BCL7C: variants seen among roughly 807,000 people sequenced by gnomAD.
BCL7C encodes B-cell CLL/lymphoma 7 protein family member C.
BCL7C carries 8 observed loss-of-function variants against 26.2 expected under a neutral mutation model. The ratio of observed to expected loss-of-function variants is 0.30; its 90% CI spans 0.18 to 0.55. The LOEUF (loss-of-function observed/expected upper bound fraction) is 0.55. Among genes scored for constraint, BCL7C ranks in the 20% least tolerant of loss-of-function variants. BCL7C has a pLI of 0.93. For missense variants in BCL7C, 262 were observed against 298.5 expected, an observed-to-expected ratio of 0.88 and a Z score of 0.90; for synonymous variants, 90 against 116.5, an observed-to-expected ratio of 0.77 and a Z score of 1.47.
At chr16:30,860,047 C>T (rs1252809424) in intron 5 of BCL7C, among the ~76,000 whole-genome samples, 2 of 151,496 alleles carry the variant, frequency 1.3e-5, no homozygotes, top group Non-Finnish European at 2.9e-5. Context: ...CTCTCTTCTC[C>T]AGCCTCTCTT....
rs1381872524 is a variant in BCL7C, at chr16:30,892,931, A to C, written c.189T>G (p.Gly63=). 6.2e-7 allele frequency: 1 copy of C among 1,612,724 alleles called. No individual in the cohort carries two copies. Among genetic ancestry groups the C allele is most frequent in the Non-Finnish European group, 8.5e-7 (1 of 1,179,814 alleles). ...DPQEEERRRA[G]GGAERSRGRE... ...GGCCACGGGATCTCTCTGCCCCGCC[A>C]CCTGCCCGCCTTCGCTCCTGGGGGT... Residue 63 remains glycine, a synonymous_variant, in exon 3 of 6, where the codon GGT becomes GGG. Transcript: ENST00000215115.
chr16:30,874,004 T>C (rs2054908632), intron 5 of BCL7C, among the ~76,000 whole-genome samples: 1 of 145,402 alleles, frequency 6.9e-6, no homozygotes, highest in Non-Finnish European at 1.5e-5. Flanking sequence ...AAACCTTTTT[T>C]TTTTTTTTTG....
chr16:30,845,285 T>A (rs1049291020), intron 5 of BCL7C, among the ~76,000 whole-genome samples: 1 of 152,204 alleles, frequency 6.6e-6, no homozygotes, highest in African/African-American at 2.4e-5. Context: ...CAAGCGCACT[T>A]TATCTAACAG....
chr16:30,866,464 C>A (rs1176213100), intron 5 of BCL7C, among the ~76,000 whole-genome samples: 3 of 151,742 alleles, frequency 2.0e-5, no homozygotes, highest in African/African-American at 4.8e-5. Flanking sequence ...GTAGTCCCAG[C>A]TACTCAGGGG....
downstream of BCL7C, among the ~76,000 whole-genome samples, chr16:30,885,419 T>C (rs946644579): frequency 6.6e-5 from 10 of 151,804 alleles, no homozygotes; most frequent in Non-Finnish European, 1.3e-4. Context: ...TTTTCTTTTT[T>C]TTTTTTTTGA....
chr16:30,860,194 C>T (rs34840035), intron 5 of BCL7C, among the ~76,000 whole-genome samples: 111,103 of 152,154 alleles, frequency 0.73, 41,090 homozygotes, highest in East Asian at 0.91. Flanking sequence ...GTCACGGACT[C>T]GGGAAGACAG....
intron 5 of BCL7C, among the ~76,000 whole-genome samples, chr16:30,852,666 AT>A (rs1297342200): frequency 6.6e-6 from 1 of 151,256 alleles, no homozygotes; most frequent in Admixed American, 6.6e-5. Context: ...TAATTTTTGT[AT>A]TTTTAGTAGA....
intron 5 of BCL7C, among the ~76,000 whole-genome samples, chr16:30,836,285 T>C (rs755406199): frequency 2.6e-5 from 4 of 151,724 alleles, no homozygotes; most frequent in Admixed American, 6.6e-5. Flanking sequence ...AGCCCAGCCA[T>C]AGCGAGATTC....
At chr16:30,839,260 A>T (rs2054587783) in intron 5 of BCL7C, among the ~76,000 whole-genome samples, 2 of 152,248 alleles carry the variant, frequency 1.3e-5, no homozygotes, top group Non-Finnish European at 2.9e-5. Flanking sequence ...TGTGTACCAC[A>T]CTTGTCTATT....
chr16:30,849,762 T>G (rs1310246428), intron 5 of BCL7C, among the ~76,000 whole-genome samples: 1 of 1,054 alleles, frequency 9.5e-4, no homozygotes, highest in African/African-American at 1.1e-3. Flanking sequence ...CCTTTTTTCT[T>G]TTTTTTTTTT....
At chr16:30,878,842 C>CAAAA (rs1402617371) in intron 5 of BCL7C, among the ~76,000 whole-genome samples, 1 of 98,818 alleles carries the variant, frequency 1.0e-5, no homozygotes, top group Non-Finnish European at 2.1e-5. Context: ...GACTCCGTCT[C>CAAAA]AAAAAAAAAA....
Position 30,892,852 on chromosome 16 carries a change from G to T in BCL7C, c.268C>A (p.Leu90Met). ...SPRGGGPLIL[L>M]DLNDENSNQS... ...GATCCCTACCTACCATTAAGATCCA[G>T]CAGGATGAGAGGGCCACCCCCTCGG... The change falls in exon 3 of 6, where the codon CTG becomes ATG. Residue 90 changes from leucine (L) to methionine (M), a missense_variant. Physicochemically the swap from Leu to Met is conservative, Grantham distance 15. Coordinates refer to ENST00000215115, the MANE Select transcript of BCL7C (RefSeq NM_004765.4). The T allele has an allele frequency of 1.2e-6, 2 of 1,613,306 alleles. No individual in the cohort carries two copies. Among genetic ancestry groups the T allele is most frequent in the Non-Finnish European group, 1.7e-6 (2 of 1,179,960 alleles).
chr16:30,866,220 C>T (rs1258994749), intron 5 of BCL7C, among the ~76,000 whole-genome samples: 1 of 151,942 alleles, frequency 6.6e-6, no homozygotes, highest in African/African-American at 2.4e-5. Flanking sequence ...GGATTATTTA[C>T]CATGTATCCA....
chr16:30,841,677 C>A (rs544494926), intron 5 of BCL7C, among the ~76,000 whole-genome samples: 2 of 152,074 alleles, frequency 1.3e-5, no homozygotes, highest in Non-Finnish European at 2.9e-5. Flanking sequence ...GGCCCTTGGC[C>A]GGGCATGGTG....
At chr16:30,854,430 A>G (rs2054701827) in intron 5 of BCL7C, among the ~76,000 whole-genome samples, 1 of 152,104 alleles carries the variant, frequency 6.6e-6, no homozygotes, top group South Asian at 2.1e-4. Flanking sequence ...TGTGGTTCTC[A>G]CTGTGCCAGA....
chr16:30,877,897 G>A (rs1316057634), intron 5 of BCL7C, among the ~76,000 whole-genome samples: 3 of 151,458 alleles, frequency 2.0e-5, no homozygotes, highest in African/African-American at 4.9e-5. Flanking sequence ...GCCCTTGGCC[G>A]GGCGCAGTGG....
At chr16:30,880,002 AT>A (rs2055018317) in intron 5 of BCL7C, among the ~76,000 whole-genome samples, 2 of 149,978 alleles carry the variant, frequency 1.3e-5, no homozygotes. Flanking sequence ...AAAAAAAAAA[AT>A]GTTAAGTAGT....
At chr16:30,879,107 GATGGT>G (rs2054999807) in intron 5 of BCL7C, among the ~76,000 whole-genome samples, 1 of 152,188 alleles carries the variant, frequency 6.6e-6, no homozygotes, top group African/African-American at 2.4e-5. Context: ...CTGCTAGGGT[GATGGT>G]GATCAGCCAT....
At chr16:30,839,645 C>T (rs2054589811) in intron 5 of BCL7C, among the ~76,000 whole-genome samples, 1 of 152,212 alleles carries the variant, frequency 6.6e-6, no homozygotes, top group African/African-American at 2.4e-5. Context: ...AGAGAGCTGC[C>T]ACTACCCAAC....
Sources: gnomAD v4.1 joint callset for allele counts (sites outside exome capture counted in the v4.1 genomes callset) on GRCh38, gnomAD v4.1.1 for gene constraint, MANE v1.5 for transcripts, NCBI Gene and HGNC (gene_info 2026-07-23, HGNC 2026-07-21) for gene names.